Variants in ZFP82 observed in about 807,000 individuals in gnomAD.
ZFP82 encodes zinc finger protein 82 homolog.
In ZFP82, 30 loss-of-function variants were observed where a neutral mutation model predicts 54.0. The ratio of observed to expected loss-of-function variants is 0.56; its 90% CI spans 0.42 to 0.75. ZFP82 has a LOEUF of 0.75. ZFP82 is among the 30% of genes least tolerant of loss of function. ZFP82 has a pLI of 0.00. For missense variants in ZFP82, 500 were observed against 636.8 expected (o/e 0.79, Z 2.31); for synonymous variants, 194 against 209.5 (o/e 0.93, Z 0.64).
At chr19:36,403,513 C>T (rs1281382383) in intron 4 of ZFP82, among the ~76,000 whole-genome samples, 10 of 148,520 alleles carry the variant, frequency 6.7e-5, no homozygotes, top group Non-Finnish European at 1.5e-4. Context: ...CCAGCTACTC[C>T]AGAGGCTGAG....
rs1302337559 is a variant in ZFP82 at position 36,391,533 on chromosome 19, T to C, written c.*1208A>G. 6.6e-6 allele frequency: 1 copy of C among 150,924 alleles called. No homozygotes were observed. The highest frequency in any genetic ancestry group is 6.6e-5 in the Admixed American group (1 of 15,132). 9.3% of individuals were successfully genotyped at this position (150,924 alleles called of 1,614,324 possible). A position where few individuals can be genotyped will look rare whatever the true frequency, so the allele number is the denominator to read the frequency against. On this transcript the variant is annotated 3_prime_UTR_variant, in exon 5 of 5. Transcript: ENST00000392161. Reference sequence around the variant, plus strand: ...CTCAAGCTGGAGTGCAGTGGTACAATCACAGCTCACTGAAGCCTCAACTCT... The same window carrying C: ...CTCAAGCTGGAGTGCAGTGGTACAACCACAGCTCACTGAAGCCTCAACTCT...
intron 4 of ZFP82, among the ~76,000 whole-genome samples, chr19:36,398,615 G>A (rs1268592040): frequency 6.6e-6 from 1 of 151,428 alleles, no homozygotes; most frequent in Admixed American, 6.6e-5. Context: ...CAGAGTGAAG[G>A]AGAAAAAAAA....
chr19:36,402,293 C>T (rs1261725264), intron 4 of ZFP82, among the ~76,000 whole-genome samples: 1 of 151,586 alleles, frequency 6.6e-6, no homozygotes, highest in Non-Finnish European at 1.5e-5. Flanking sequence ...ACGGTAAAAC[C>T]CCATCTCTAC....
At chr19:36,397,382 C>T (rs1049724485) in intron 4 of ZFP82, among the ~76,000 whole-genome samples, 2 of 151,820 alleles carry the variant, frequency 1.3e-5, no homozygotes, top group African/African-American at 2.4e-5. Flanking sequence ...CGTGAGCCAC[C>T]GCGCCTGGCC....
At chr19:36,412,828 C>T (rs1260645027) in intron 1 of ZFP82, among the ~76,000 whole-genome samples, 8 of 152,202 alleles carry the variant, frequency 5.3e-5, no homozygotes, top group African/African-American at 1.7e-4. Context: ...TGTCTGCTTC[C>T]CATGACCTCT....
chr19:36,412,197 T>C (rs960055451), intron 1 of ZFP82, among the ~76,000 whole-genome samples: 3 of 152,016 alleles, frequency 2.0e-5, no homozygotes, highest in African/African-American at 7.2e-5. Flanking sequence ...AAAATGAACA[T>C]TATTAGGACA....
At chr19:36,406,259 T>C (rs1234032008) in intron 3 of ZFP82, among the ~76,000 whole-genome samples, 1 of 152,200 alleles carries the variant, frequency 6.6e-6, no homozygotes, top group Non-Finnish European at 1.5e-5. Context: ...TGCAATATAA[T>C]TTATATAACA....
At chr19:36,413,410 C>CA (rs1029261185) in intron 1 of ZFP82, among the ~76,000 whole-genome samples, 48 of 144,750 alleles carry the variant, frequency 3.3e-4, no homozygotes, top group Admixed American at 2.1e-3. Context: ...GATTCTGTCT[C>CA]AAAAAAAAAA....
rs752586717 is a variant in ZFP82, at chr19:36,393,931, A to T, written c.409T>A (p.Tyr137Asn). ...GATGGCATTTTCACACTACTGAAGTATCCTTCTTGAGGTCTCTCCTGTCCT... is the reference window on the plus strand; with the variant it reads ...GATGGCATTTTCACACTACTGAAGTTTCCTTCTTGAGGTCTCTCCTGTCCT... ...IEGQERPQEG[Y>N]FSSVKMPSEK... The change falls in exon 5 of 5, where the codon TAC becomes AAC. Residue 137 changes from tyrosine to asparagine, a missense_variant. By Grantham distance (143) the Tyr-to-Asn change is moderately radical. Coordinates refer to ENST00000392161, the MANE Select transcript of ZFP82 (RefSeq NM_133466.4). 18 of 1,614,076 alleles carry T rather than the reference A, an allele frequency of 1.1e-5. No homozygotes were observed. The highest frequency in any genetic ancestry group is 1.4e-5 in the Non-Finnish European group (17 of 1,180,036).
At chr19:36,414,216 A>T (rs957744538) in intron 1 of ZFP82, among the ~76,000 whole-genome samples, 1 of 151,994 alleles carries the variant, frequency 6.6e-6, no homozygotes, top group African/African-American at 2.4e-5. Context: ...TTTTCAATTT[A>T]AAAATTTGGT....
At chr19:36,416,131 T>C (rs1386314307) in intron 1 of ZFP82, among the ~76,000 whole-genome samples, 1 of 152,226 alleles carries the variant, frequency 6.6e-6, no homozygotes, top group Non-Finnish European at 1.5e-5. Context: ...ACAACATCGA[T>C]CACAAGCTTT....
Position 36,390,761 on chromosome 19 carries a change from TTTG to T in ZFP82, c.*1977_*1979del, listed in dbSNP as rs994280071. Reference sequence around the variant, plus strand: ...ATTCTATCATTCATTTGATCTTTGTTTTGTTTTGTTTTTTGTTTTTTGTTTGAG... The same window carrying T: ...ATTCTATCATTCATTTGATCTTTGTTTTTTGTTTTTTGTTTTTTGTTTGAG... On this transcript the variant is annotated 3_prime_UTR_variant, in exon 5 of 5. Coordinates refer to ENST00000392161, the MANE Select transcript of ZFP82 (RefSeq NM_133466.4). 5 of 78,468 alleles carry T rather than the reference TTTG, an allele frequency of 6.4e-5. No individual in the cohort carries two copies. The highest frequency in any genetic ancestry group is 1.4e-4 in the Non-Finnish European group (4 of 28,142). The allele number at this position is 78,468 out of a possible 1,614,324, so 4.9% of individuals were successfully genotyped here. A position where few individuals can be genotyped will look rare whatever the true frequency, so the allele number is the denominator to read the frequency against.
At position 36,390,497 on chromosome 19, in the gene ZFP82, T is replaced by C. The variant is rs1232001084; in HGVS notation, c.*2244A>G. 2 of 152,190 alleles carry C rather than the reference T, an allele frequency of 1.3e-5. No homozygotes were observed. Among genetic ancestry groups the C allele is most frequent in the East Asian group, 1.9e-4 (1 of 5,186 alleles). The allele number at this position is 152,190 out of a possible 1,614,324, so 9.4% of individuals were successfully genotyped here. A position where few individuals can be genotyped will look rare whatever the true frequency, so the allele number is the denominator to read the frequency against. The stretch of plus-strand genomic sequence containing the variant: ...GTAATTAGGTTTGGAGACTAACTTG[T>C]ACTTCTCAGTTTTGGGGGAGCCAAG... On this transcript the variant is annotated 3_prime_UTR_variant, in exon 5 of 5. Coordinates refer to ENST00000392161, the MANE Select transcript of ZFP82 (RefSeq NM_133466.4).
intron 3 of ZFP82, among the ~76,000 whole-genome samples, chr19:36,407,074 C>CTTTT (rs35808591): frequency 8.0e-5 from 8 of 99,738 alleles, no homozygotes; most frequent in Admixed American, 1.2e-4. Flanking sequence ...TTTTAATTTT[C>CTTTT]TTTTTTTTTT....
downstream of ZFP82, among the ~76,000 whole-genome samples, chr19:36,387,037 G>A (rs968077964): frequency 7.2e-5 from 11 of 152,202 alleles, no homozygotes; most frequent in Non-Finnish European, 7.3e-5. Context: ...GAATGTCTAG[G>A]CTATGCCTGT....
rs2032234955 is a variant in ZFP82, at chr19:36,393,275, G to A, written c.1065C>T (p.Leu355=). Residue 355 remains leucine, a synonymous_variant, in exon 5 of 5, where the codon CTC becomes CTT. Transcript: ENST00000392161. Reference sequence around the variant, plus strand: ...TCTCACCAGTATGAATTCTCTGATGGAGTGTTAGTTGTTGTCGCACTCTAA... The same window carrying A: ...TCTCACCAGTATGAATTCTCTGATGAAGTGTTAGTTGTTGTCGCACTCTAA... ...KAFRVRQQLT[L]HQRIHTGEKP... 1 of 1,599,954 alleles carries A rather than the reference G, an allele frequency of 6.3e-7. No homozygotes were observed. Among genetic ancestry groups the A allele is most frequent in the East Asian group, 2.3e-5 (1 of 43,992 alleles).
intron 4 of ZFP82, 43 bp from the exon 5 acceptor site, chr19:36,394,153 CTAAAAGAAGCAACA>C: frequency 6.7e-7 from 1 of 1,485,336 alleles, no homozygotes; most frequent in Non-Finnish European, 9.1e-7. Context: ...TTTTCTTTTA[CTAAAAGAAGCAACA>C]TTTCTAATGT....
chr19:36,403,945 C>T (rs1272218882), intron 4 of ZFP82, among the ~76,000 whole-genome samples: 3 of 152,146 alleles, frequency 2.0e-5, no homozygotes, highest in African/African-American at 7.2e-5. Context: ...GGAAAAAAGG[C>T]TTCTCTGACA....
Position 36,393,261 on chromosome 19 carries a change from T to G in ZFP82, c.1079A>C (p.His360Pro). 1 of 1,614,104 alleles carries G rather than the reference T, an allele frequency of 6.2e-7. No individual in the cohort carries two copies. The highest frequency in any genetic ancestry group is 8.5e-7 in the Non-Finnish European group (1 of 1,180,008). ...ACATTCATAGGGTTTCTCACCAGTA[T>G]GAATTCTCTGATGGAGTGTTAGTTG... ...RQQLTLHQRI[H>P]TGEKPYECKE... Residue 360 changes from histidine (H) to proline (P), a missense_variant, in exon 5 of 5, where the codon CAT becomes CCT. Coordinates refer to ENST00000392161, the MANE Select transcript of ZFP82 (RefSeq NM_133466.4).
Sources: gnomAD v4.1 joint callset for allele counts (sites outside exome capture counted in the v4.1 genomes callset) on GRCh38, gnomAD v4.1.1 for gene constraint, MANE v1.5 for transcripts, NCBI Gene and HGNC (gene_info 2026-07-23, HGNC 2026-07-21) for gene names.